Variants in PM20D2 observed in about 807,000 individuals in gnomAD.
The protein encoded by PM20D2 is peptidase M20 domain containing 2, also known as xaa-Arg dipeptidase.
PM20D2 carries 33 observed loss-of-function variants against 42.9 expected under a neutral mutation model. The ratio of observed to expected loss-of-function variants is 0.77; its 90% CI spans 0.58 to 1.03. PM20D2 has a LOEUF of 1.03. Ranked by LOEUF, PM20D2 falls within the 50% of genes least tolerant of loss-of-function variation. The pLI is 0.00. For missense variants in PM20D2, 548 were observed against 557.0 expected (o/e 0.98, Z 0.16); for synonymous variants, 250 against 228.2 (o/e 1.10, Z -0.86).
At chr6:89,125,366 G>A in the PM20D2 span, among the ~76,000 whole-genome samples, 7 of 152,086 alleles carry the variant, frequency 4.6e-5, no homozygotes, top group Non-Finnish European at 1.0e-4. Flanking sequence ...TGTAGTCCCA[G>A]CTACTCAGGA....
chr6:89,113,914 A>C, the PM20D2 span, among the ~76,000 whole-genome samples: 3 of 152,148 alleles, frequency 2.0e-5, no homozygotes, highest in Non-Finnish European at 4.4e-5. Flanking sequence ...ATGTGCTGGG[A>C]TTACAGGCAT....
chr6:89,127,826 C>T, the PM20D2 span, among the ~76,000 whole-genome samples: 98 of 152,202 alleles, frequency 6.4e-4, 1 homozygote, highest in East Asian at 0.016. Flanking sequence ...ATGGAGGGAC[C>T]GGCTGGAGCC....
the PM20D2 span, among the ~76,000 whole-genome samples, chr6:89,108,507 A>G: frequency 1.3e-5 from 2 of 152,226 alleles, no homozygotes; most frequent in East Asian, 3.8e-4. Context: ...CATCTTAACC[A>G]CTACACCCTA....
the PM20D2 span, among the ~76,000 whole-genome samples, chr6:89,136,556 T>C: frequency 1.3e-5 from 2 of 150,432 alleles, no homozygotes; most frequent in Non-Finnish European, 2.9e-5. Context: ...TGGGCGCCTG[T>C]AGTCCCAGCT....
intron 4 of PM20D2, among the ~76,000 whole-genome samples, chr6:89,155,258 C>CT (rs34776724): frequency 0.11 from 6,402 of 59,018 alleles, 1,339 homozygotes; most frequent in East Asian, 0.53. Flanking sequence ...TCAGCAAAAG[C>CT]TTTTTTTTTT....
the PM20D2 span, among the ~76,000 whole-genome samples, chr6:89,109,440 A>G: frequency 3.4e-5 from 5 of 148,284 alleles, no homozygotes; most frequent in Non-Finnish European, 7.5e-5. Context: ...AAGGAGACTG[A>G]GGGTGAGAGA....
At chr6:89,143,432 T>C (rs1770406766), upstream of PM20D2, among the ~76,000 whole-genome samples, 1 of 152,146 alleles carries the variant, frequency 6.6e-6, no homozygotes, top group Admixed American at 6.6e-5. Context: ...AGAGGAATCT[T>C]TATATATTTT....
chr6:89,112,135 G>C, the PM20D2 span, among the ~76,000 whole-genome samples: 1 of 152,032 alleles, frequency 6.6e-6, no homozygotes, highest in Non-Finnish European at 1.5e-5. Flanking sequence ...AGCCTGCCGA[G>C]TAGCTGGGAT....
Position 89,153,025 on chromosome 6 carries a change from T to C in PM20D2, c.615-18T>C. On this transcript the variant is annotated intron_variant, in intron 2 of 6. Coordinates refer to ENST00000275072, the MANE Select transcript of PM20D2 (RefSeq NM_001010853.3). ...CAATAATAACAAAAGTAATTTCAAA[T>C]GATTTTTTATTTCCTAGTGTGACTG... The C allele has an allele frequency of 6.4e-7, 1 of 1,558,164 alleles. No individual in the cohort carries two copies. Among genetic ancestry groups the C allele is most frequent in the Non-Finnish European group, 8.7e-7 (1 of 1,149,564 alleles).
the PM20D2 span, among the ~76,000 whole-genome samples, chr6:89,130,819 C>CTTTTTTTTTTTTTTT: frequency 8.7e-4 from 21 of 24,060 alleles, 2 homozygotes; most frequent in African/African-American, 1.4e-3. Context: ...GCTTCTTCTT[C>CTTTTTTTTTTTTTTT]TTTTTTTTTT....
At chr6:89,147,914 T>A (rs1770656285) in intron 1 of PM20D2, among the ~76,000 whole-genome samples, 2 of 150,480 alleles carry the variant, frequency 1.3e-5, no homozygotes, top group East Asian at 2.0e-4. Context: ...GAGCGGCGGC[T>A]TCATGTCAGA....
chr6:89,142,759 G>A (rs367961861), upstream of PM20D2, among the ~76,000 whole-genome samples: 1 of 152,110 alleles, frequency 6.6e-6, no homozygotes, highest in South Asian at 2.1e-4. Context: ...CCGGGTTCAC[G>A]CCATTCTCCT....
At chr6:89,116,570 T>C in the PM20D2 span, among the ~76,000 whole-genome samples, 1 of 151,716 alleles carries the variant, frequency 6.6e-6, no homozygotes, top group Non-Finnish European at 1.5e-5. Flanking sequence ...AGGTCAGGAG[T>C]TGGAGATCAG....
the PM20D2 span, among the ~76,000 whole-genome samples, chr6:89,137,306 T>C: frequency 6.6e-6 from 1 of 152,150 alleles, no homozygotes; most frequent in South Asian, 2.1e-4. Context: ...GAGGATTCCT[T>C]GAGGCCAGAA....
chr6:89,156,224 T>G (rs1300288731), intron 4 of PM20D2, among the ~76,000 whole-genome samples: 1 of 152,166 alleles, frequency 6.6e-6, no homozygotes, highest in Non-Finnish European at 1.5e-5. Context: ...TTTAAAATCA[T>G]GTACTGTGTA....
chr6:89,102,350 G>C, the PM20D2 span, among the ~76,000 whole-genome samples: 6 of 152,034 alleles, frequency 3.9e-5, no homozygotes, highest in Non-Finnish European at 7.4e-5. Flanking sequence ...CGCCATGTTG[G>C]CCAGGCATGT....
chr6:89,097,098 G>C, the PM20D2 span: 1 of 151,970 alleles, frequency 6.6e-6, no homozygotes, highest in Non-Finnish European at 1.5e-5. Flanking sequence ...TCTTACATAT[G>C]GGATCTAATA....
the PM20D2 span, among the ~76,000 whole-genome samples, chr6:89,133,913 T>C: frequency 0.25 from 37,195 of 151,140 alleles, 5,367 homozygotes; most frequent in Non-Finnish European, 0.3. Context: ...TTAAATTACA[T>C]GATATTTGGG....
the PM20D2 span, among the ~76,000 whole-genome samples, chr6:89,129,078 T>C: frequency 2.0e-5 from 3 of 152,258 alleles, no homozygotes; most frequent in East Asian, 5.8e-4. Flanking sequence ...TAGGCAAAGC[T>C]AGAGGGTGTG....
Sources: gnomAD v4.1 joint callset for allele counts (sites outside exome capture counted in the v4.1 genomes callset) on GRCh38, gnomAD v4.1.1 for gene constraint, MANE v1.5 for transcripts, NCBI Gene and HGNC (gene_info 2026-07-23, HGNC 2026-07-21) for gene names.